The following SLCO6A1 variants were observed in gnomAD, a reference collection of about 807,000 sequenced individuals.
The protein encoded by SLCO6A1 is solute carrier organic anion transporter family member 6A1, also known as cancer/testis antigen 48.
SLCO6A1 carries 65 observed loss-of-function variants against 72.7 expected under a neutral mutation model. The observed-to-expected ratio is 0.89, with a 90% CI of 0.73 to 1.10. The LOEUF (loss-of-function observed/expected upper bound fraction) is 1.10, where lower values mean the gene tolerates loss of function less well. SLCO6A1 is among the 50% of genes least tolerant of loss of function. SLCO6A1 has a pLI of 0.00. For synonymous variants in SLCO6A1, 314 were observed against 298.2 expected, an observed-to-expected ratio of 1.05 and a Z score of -0.55; for missense variants, 874 against 872.6, an observed-to-expected ratio of 1.00 and a Z score of -0.02.
At chr5:102,497,681 T>C in intron 1 of SLCO6A1, among the ~76,000 whole-genome samples, 1 of 152,190 alleles carries the variant, frequency 6.6e-6, no homozygotes, top group East Asian at 1.9e-4. Flanking sequence ...ACCTTTAAAC[T>C]CCTTGTTCAT....
intron 11 of SLCO6A1, among the ~76,000 whole-genome samples, chr5:102,389,472 G>A (rs1746625485): frequency 1.0e-5 from 1 of 95,468 alleles, no homozygotes; most frequent in South Asian, 3.5e-4. Context: ...ACACAGAGTT[G>A]CCCCCAAACA....
rs1462479508 is a variant in SLCO6A1 at position 102,389,446 on chromosome 5, C to A, written c.1880-621G>T. On this transcript the variant is annotated intron_variant, in intron 11 of 13. Transcript: ENST00000506729. The stretch of plus-strand genomic sequence containing the variant: ...AGTGAGTGAACAGTCACACACCCCG[C>A]CCCCCACCCCCACACACACAGAGTT... 4.6e-5 allele frequency among the ~76,000 whole-genome samples: 2 copies of A among 43,926 alleles called. 1 individual carries two copies. The highest frequency in any genetic ancestry group is 9.2e-5 in the Non-Finnish European group (2 of 21,648). The allele number at this position is 43,926 out of a possible 152,430, so 28.8% of individuals were successfully genotyped here.
chr5:102,384,980 C>T (rs1205915934), intron 12 of SLCO6A1, among the ~76,000 whole-genome samples: 1 of 152,100 alleles, frequency 6.6e-6, no homozygotes, highest in Non-Finnish European at 1.5e-5. Flanking sequence ...TTAAGATCTT[C>T]CCTTTAGCAT....
At chr5:102,473,924 T>C (rs776602079) in intron 4 of SLCO6A1, among the ~76,000 whole-genome samples, 18 of 152,024 alleles carry the variant, frequency 1.2e-4, no homozygotes, top group Middle Eastern at 3.4e-3. Context: ...CACAAATAGA[T>C]GTAAAGCGAT....
In SLCO6A1 at chr5:102,373,414, C is replaced by G. The variant is rs769313361; in HGVS notation, c.2098G>C (p.Asp700His). The G allele has an allele frequency of 1.3e-6, 2 of 1,582,252 alleles. No individual in the cohort carries two copies. The highest frequency in any genetic ancestry group is 1.7e-6 in the Non-Finnish European group (2 of 1,166,636). Residue 700 changes from aspartate to histidine, a missense_variant, in exon 13 of 14, where the codon GAC (aspartate) becomes CAC (histidine). Coordinates refer to ENST00000506729, the MANE Select transcript of SLCO6A1 (RefSeq NM_173488.5). Reference sequence around the variant, plus strand: ...TTCTTCACAGTTACATCTGGGAAGTCAGTGTTCTCATTTAGACGACGTTTG... The same window carrying G: ...TTCTTCACAGTTACATCTGGGAAGTGAGTGTTCTCATTTAGACGACGTTTG... ...IYKRRLNENTDFPDVTVKNPK... is the reference protein window; with the variant it reads ...IYKRRLNENTHFPDVTVKNPK...
At chr5:102,389,440 A>ACACCC (rs1746605858) in intron 11 of SLCO6A1, among the ~76,000 whole-genome samples, 1 of 52,850 alleles carries the variant, frequency 1.9e-5, no homozygotes, top group African/African-American at 7.8e-5. Flanking sequence ...ACAGTCACAC[A>ACACCC]CCCCGCCCCC....
At chr5:102,402,020 G>A (rs1747423699) in intron 9 of SLCO6A1, among the ~76,000 whole-genome samples, 1 of 152,098 alleles carries the variant, frequency 6.6e-6, no homozygotes, top group South Asian at 2.1e-4. Context: ...ACAGATTATG[G>A]AATCAGAAGA....
At chr5:102,402,650 G>A (rs997614760) in intron 9 of SLCO6A1, among the ~76,000 whole-genome samples, 5 of 152,074 alleles carry the variant, frequency 3.3e-5, no homozygotes, top group African/African-American at 1.2e-4. Flanking sequence ...GAGCACAAGA[G>A]AGGGCCAAAC....
At chr5:102,391,368 T>A (rs560371478) in intron 10 of SLCO6A1, 1 of 237,962 alleles carries the variant, frequency 4.2e-6, no homozygotes, top group East Asian at 9.2e-5. Context: ...TTTCATTCTA[T>A]CATGTACACT....
At chr5:102,456,282 A>T (rs1750708509) in intron 6 of SLCO6A1, among the ~76,000 whole-genome samples, 2 of 152,220 alleles carry the variant, frequency 1.3e-5, no homozygotes, top group South Asian at 2.1e-4. Context: ...AATGAAATAA[A>T]GGGTATTCAA....
rs117830554 is a variant in SLCO6A1, at chr5:102,450,400, G to T, written c.1131+7982C>A. Reference sequence around the variant, plus strand: ...TTTCACAGCGGGATATATTAGCCAAGTATTTTCAGTGTTGAAGTTTGGGCT... The same window carrying T: ...TTTCACAGCGGGATATATTAGCCAATTATTTTCAGTGTTGAAGTTTGGGCT... On this transcript the variant is annotated intron_variant, in intron 6 of 13. Coordinates refer to ENST00000506729, the MANE Select transcript of SLCO6A1 (RefSeq NM_173488.5). Among the ~76,000 whole-genome samples the T allele has an allele frequency of 1.5e-3, 231 of 152,360 alleles. 4 individuals are homozygous for T. In the East Asian group the frequency reaches 0.044, roughly 29 times the overall value.
intron 8 of SLCO6A1, among the ~76,000 whole-genome samples, chr5:102,414,675 T>C (rs1748175820): frequency 6.6e-6 from 1 of 152,040 alleles, no homozygotes; most frequent in South Asian, 2.1e-4. Context: ...AGGTGGATTG[T>C]CTGAGCTCAG....
At chr5:102,467,787 G>A (rs1188832605) in intron 4 of SLCO6A1, among the ~76,000 whole-genome samples, 4 of 151,976 alleles carry the variant, frequency 2.6e-5, no homozygotes, top group Non-Finnish European at 5.9e-5. Context: ...AAGAACCAGT[G>A]TTGTGTTTCA....
intron 1 of SLCO6A1, among the ~76,000 whole-genome samples, chr5:102,495,291 G>T (rs951270163): frequency 6.6e-6 from 1 of 152,208 alleles, no homozygotes; most frequent in African/African-American, 2.4e-5. Flanking sequence ...GTGATGGAAA[G>T]TTTCTAAAAT....
intron 3 of SLCO6A1, among the ~76,000 whole-genome samples, chr5:102,477,050 C>T (rs1392696508): frequency 1.3e-5 from 2 of 151,962 alleles, no homozygotes; most frequent in African/African-American, 4.8e-5. Context: ...AGTATATATA[C>T]ACATATATGA....
Position 102,414,937 on chromosome 5 carries a change from A to AAATT in SLCO6A1, c.1473-1798_1473-1795dup, listed in dbSNP as rs1174328218. The stretch of plus-strand genomic sequence containing the variant: ...TAAATAAATAAATAAATAAATAAAT[A>AAATT]AATTAATTAATAAGGCAAGCTTGTT... On this transcript the variant is annotated intron_variant, in intron 8 of 13. Coordinates refer to ENST00000506729, the MANE Select transcript of SLCO6A1 (RefSeq NM_173488.5). 4.1e-3 allele frequency among the ~76,000 whole-genome samples: 493 copies of AAATT among 120,844 alleles called. 1 individual carries two copies. Among genetic ancestry groups the AAATT allele is most frequent in the African/African-American group, 0.011 (422 of 37,210 alleles). The allele number at this position is 120,844 out of a possible 152,430, so 79.3% of individuals were successfully genotyped here. A position where few individuals can be genotyped will look rare whatever the true frequency, so the allele number is the denominator to read the frequency against.
intron 1 of SLCO6A1, among the ~76,000 whole-genome samples, chr5:102,482,793 G>A (rs548974407): frequency 2.0e-5 from 3 of 152,188 alleles, no homozygotes; most frequent in African/African-American, 7.2e-5. Context: ...GCAGGACCAT[G>A]ATGACAAAAG....
chr5:102,410,404 G>A (rs1030399020), intron 9 of SLCO6A1, among the ~76,000 whole-genome samples: 3 of 152,132 alleles, frequency 2.0e-5, no homozygotes, highest in African/African-American at 7.2e-5. Flanking sequence ...ATTTGTCCAT[G>A]GGTGGCCATG....
chr5:102,377,897 C>G (rs896894415), intron 12 of SLCO6A1, among the ~76,000 whole-genome samples: 1 of 81,706 alleles, frequency 1.2e-5, no homozygotes, highest in Non-Finnish European at 2.7e-5. Context: ...TGGTCTTAAA[C>G]TCTTTTTTTT....
Sources: allele counts gnomAD v4.1 joint callset (sites outside exome capture counted in the v4.1 genomes callset), GRCh38; gene constraint gnomAD v4.1.1; transcripts MANE v1.5; gene names NCBI Gene and HGNC (gene_info 2026-07-23, HGNC 2026-07-21).